RAI14: variants seen among roughly 807,000 people sequenced by gnomAD.
RAI14 encodes ankycorbin.
RAI14 carries 45 observed loss-of-function variants against 115.4 expected under a neutral mutation model. That is an observed-to-expected ratio of 0.39 (90% CI 0.31 to 0.50). The LOEUF (loss-of-function observed/expected upper bound fraction) is 0.50, where lower values mean the gene tolerates loss of function less well. RAI14 is among the 20% of genes least tolerant of loss of function. RAI14 has a pLI of 0.85. For synonymous variants in RAI14, 371 were observed against 415.4 expected, an observed-to-expected ratio of 0.89 and a Z score of 1.30; for missense variants, 939 against 1,131.2, an observed-to-expected ratio of 0.83 and a Z score of 2.44.
intron 2 of RAI14, among the ~76,000 whole-genome samples, chr5:34,750,944 C>T (rs1746927202): frequency 7.2e-6 from 1 of 139,526 alleles, no homozygotes; most frequent in African/African-American, 2.8e-5. Context: ...CCTTTGCCTC[C>T]CAGGTTCAAG....
intron 1 of RAI14, chr5:34,684,553 T>G (rs1579898953): frequency 6.6e-6 from 1 of 152,198 alleles, no homozygotes; most frequent in Non-Finnish European, 1.5e-5. Context: ...AAAGGGGCCA[T>G]GGAGAGGCTG....
intron 2 of RAI14, among the ~76,000 whole-genome samples, chr5:34,749,246 C>A (rs569455773): frequency 2.6e-5 from 4 of 152,138 alleles, no homozygotes; most frequent in African/African-American, 9.7e-5. Context: ...GATGGCTGCC[C>A]GAGCAGAGGC....
At chr5:34,710,574 A>G (rs569536110) in intron 2 of RAI14, among the ~76,000 whole-genome samples, 1 of 152,272 alleles carries the variant, frequency 6.6e-6, no homozygotes, top group East Asian at 1.9e-4. Context: ...GGAAGATTAG[A>G]TTTTAGTGTT....
intron 2 of RAI14, among the ~76,000 whole-genome samples, chr5:34,755,007 T>C (rs1747694950): frequency 6.6e-6 from 1 of 152,030 alleles, no homozygotes; most frequent in African/African-American, 2.4e-5. Context: ...ATTTGTTCAG[T>C]TTAGGTTAGA....
At chr5:34,737,934 C>G (rs962414040) in intron 2 of RAI14, among the ~76,000 whole-genome samples, 2 of 152,132 alleles carry the variant, frequency 1.3e-5, no homozygotes, top group African/African-American at 4.8e-5. Context: ...ATTAGAAAAC[C>G]TGTCTGGTTT....
Position 34,826,368 on chromosome 5 carries a change from G to A in RAI14, c.2688G>A (p.Glu896=), listed in dbSNP as rs779983788. The stretch of plus-strand genomic sequence containing the variant: ...CGAAGGAAGTCACCAAATTGAAGGA[G>A]GCCTTGAACAGCCTCTCCCAGCTCT... The part of the protein sequence containing the change: ...EMSKEVTKLK[E]ALNSLSQLSY... Residue 896 remains glutamate, a synonymous_variant, in exon 16 of 18, where the codon GAG becomes GAA. Transcript: ENST00000265109. 5 of 1,613,944 alleles carry A rather than the reference G, an allele frequency of 3.1e-6. No homozygotes were observed. The highest frequency in any genetic ancestry group is 4.2e-6 in the Non-Finnish European group (5 of 1,179,928).
At chr5:34,743,804 C>CG (rs1168405614) in intron 2 of RAI14, among the ~76,000 whole-genome samples, 2 of 152,122 alleles carry the variant, frequency 1.3e-5, no homozygotes, top group African/African-American at 4.8e-5. Flanking sequence ...GTGTATGGGG[C>CG]GGGGGTGCAG....
intron 2 of RAI14, among the ~76,000 whole-genome samples, chr5:34,711,354 C>T (rs1579988813): frequency 1.3e-5 from 2 of 151,798 alleles, no homozygotes; most frequent in East Asian, 3.9e-4. Flanking sequence ...GGGAGAATTA[C>T]AGAGAACCTT....
chr5:34,746,198 C>T (rs563016368), intron 2 of RAI14, among the ~76,000 whole-genome samples: 10 of 151,264 alleles, frequency 6.6e-5, no homozygotes, highest in East Asian at 3.9e-4. Context: ...CTCCGCCTCC[C>T]GGGTTCACGC....
At chr5:34,708,327 C>T (rs1163123050) in intron 2 of RAI14, among the ~76,000 whole-genome samples, 7 of 152,134 alleles carry the variant, frequency 4.6e-5, no homozygotes, top group South Asian at 2.1e-4. Flanking sequence ...CGTAGCCTCC[C>T]GAGTAGCTGG....
chr5:34,790,997 A>T (rs1305443155), intron 3 of RAI14, among the ~76,000 whole-genome samples: 1 of 152,024 alleles, frequency 6.6e-6, no homozygotes, highest in Non-Finnish European at 1.5e-5. Context: ...AATGAATGAA[A>T]CCTCAGCATG....
chr5:34,694,939 C>T (rs1739042444), intron 2 of RAI14, among the ~76,000 whole-genome samples: 1 of 152,010 alleles, frequency 6.6e-6, no homozygotes, highest in Non-Finnish European at 1.5e-5. Flanking sequence ...CGCTCTGTCA[C>T]CCAGGCTGGA....
intron 10 of RAI14, among the ~76,000 whole-genome samples, chr5:34,812,973 A>C (rs1755780492): frequency 6.6e-6 from 1 of 152,244 alleles, no homozygotes; most frequent in African/African-American, 2.4e-5. Flanking sequence ...ACAAAGTAGA[A>C]ATTGAGTTTG....
At chr5:34,802,921 G>A (rs1230125775) in intron 4 of RAI14, among the ~76,000 whole-genome samples, 2 of 152,148 alleles carry the variant, frequency 1.3e-5, no homozygotes, top group Non-Finnish European at 2.9e-5. Flanking sequence ...ATTCAGGGCT[G>A]GAGTACATTG....
At chr5:34,663,011 C>G (rs1013153745) in intron 1 of RAI14, among the ~76,000 whole-genome samples, 1 of 152,090 alleles carries the variant, frequency 6.6e-6, no homozygotes, top group African/African-American at 2.4e-5. Flanking sequence ...GCTGGGATTA[C>G]AGGTGTGAGC....
intron 3 of RAI14, among the ~76,000 whole-genome samples, chr5:34,761,312 A>G (rs1234766502): frequency 1.3e-5 from 2 of 151,760 alleles, no homozygotes; most frequent in Non-Finnish European, 1.5e-5. Context: ...TCAGCCTCTC[A>G]ATTAGCTGGG....
At chr5:34,693,442 G>A (rs1469572685) in intron 2 of RAI14, among the ~76,000 whole-genome samples, 1 of 152,202 alleles carries the variant, frequency 6.6e-6, no homozygotes, top group Non-Finnish European at 1.5e-5. Context: ...GAGTGAACAC[G>A]TATGGATGGC....
At chr5:34,772,421 C>G (rs768172708) in intron 3 of RAI14, among the ~76,000 whole-genome samples, 1 of 152,186 alleles carries the variant, frequency 6.6e-6, no homozygotes, top group Non-Finnish European at 1.5e-5. Flanking sequence ...AACCTAACAG[C>G]AAACTTCTCT....
At chr5:34,804,589 A>T (rs547710971) in intron 5 of RAI14, among the ~76,000 whole-genome samples, 1 of 152,344 alleles carries the variant, frequency 6.6e-6, no homozygotes, top group Admixed American at 6.5e-5. Flanking sequence ...CAGAAATGTG[A>T]TCACATTCTT....
Sources: gnomAD v4.1 joint callset for allele counts (sites outside exome capture counted in the v4.1 genomes callset) on GRCh38, gnomAD v4.1.1 for gene constraint, MANE v1.5 for transcripts, NCBI Gene and HGNC (gene_info 2026-07-23, HGNC 2026-07-21) for gene names.